The following ARNT2 variants were observed in gnomAD, a reference collection of about 807,000 sequenced individuals.
The protein encoded by ARNT2 is ARNT protein 2.
In ARNT2, 36 loss-of-function variants were observed where a neutral mutation model predicts 91.7. The observed-to-expected ratio is 0.39, with a 90% CI of 0.30 to 0.52. ARNT2 has a LOEUF of 0.52. Among genes scored for constraint, ARNT2 ranks in the 20% least tolerant of loss-of-function variants. The pLI, the probability that ARNT2 is intolerant of heterozygous loss-of-function variation, is 0.72. For missense variants in ARNT2, 775 were observed against 939.3 expected, an observed-to-expected ratio of 0.83 and a Z score of 2.29; for synonymous variants, 365 against 347.1, an observed-to-expected ratio of 1.05 and a Z score of -0.57.
At chr15:80,429,813 T>G (rs1261898102) in intron 1 of ARNT2, among the ~76,000 whole-genome samples, 1 of 152,006 alleles carries the variant, frequency 6.6e-6, no homozygotes, top group African/African-American at 2.4e-5. Context: ...TTGGTTAGTT[T>G]GAGAAAAAAG....
chr15:80,419,193 A>C (rs1329773752), intron 1 of ARNT2, among the ~76,000 whole-genome samples: 1 of 151,958 alleles, frequency 6.6e-6, no homozygotes, highest in Non-Finnish European at 1.5e-5. Context: ...GCCCCATCTC[A>C]GTTTTGGAGT....
chr15:80,478,928 G>A (rs1896846194), intron 5 of ARNT2, among the ~76,000 whole-genome samples: 1 of 152,214 alleles, frequency 6.6e-6, no homozygotes, highest in African/African-American at 2.4e-5. Context: ...TTTAGGCCTG[G>A]AAAGAGGTGA....
intron 5 of ARNT2, among the ~76,000 whole-genome samples, chr15:80,504,223 C>T (rs1310393683): frequency 6.6e-6 from 1 of 152,252 alleles, no homozygotes; most frequent in Non-Finnish European, 1.5e-5. Flanking sequence ...CAATCCCTTT[C>T]TCACTCTTCC....
intron 1 of ARNT2, among the ~76,000 whole-genome samples, chr15:80,439,689 A>G (rs962910404): frequency 2.0e-5 from 3 of 152,188 alleles, no homozygotes; most frequent in African/African-American, 7.2e-5. Flanking sequence ...TGGACAGTCA[A>G]CATGCATCTT....
At chr15:80,439,371 T>G (rs1896151204) in intron 1 of ARNT2, among the ~76,000 whole-genome samples, 1 of 152,210 alleles carries the variant, frequency 6.6e-6, no homozygotes, top group African/African-American at 2.4e-5. Flanking sequence ...TTGCAATAGG[T>G]ATTTGACTGT....
intron 8 of ARNT2, among the ~76,000 whole-genome samples, chr15:80,516,006 A>T (rs990259680): frequency 1.4e-4 from 21 of 151,544 alleles, no homozygotes; most frequent in African/African-American, 5.1e-4. Flanking sequence ...AGTAGCTGGG[A>T]TTACAGCCTC....
chr15:80,520,582 T>TA (rs1897526938), intron 8 of ARNT2, among the ~76,000 whole-genome samples: 1 of 151,684 alleles, frequency 6.6e-6, no homozygotes, highest in African/African-American at 2.4e-5. Context: ...TAAATAAAAA[T>TA]AAAAAAATAC....
chr15:80,502,366 G>A (rs1406374606), intron 5 of ARNT2, among the ~76,000 whole-genome samples: 2 of 152,206 alleles, frequency 1.3e-5, no homozygotes, highest in Admixed American at 6.5e-5. Context: ...GATGTTAGGT[G>A]GGCCTTCCAC....
At chr15:80,451,091 T>A in intron 2 of ARNT2, 97 bp downstream of exon 2, 1 of 1,182,412 alleles carries the variant, frequency 8.5e-7, no homozygotes, top group South Asian at 1.4e-5. Flanking sequence ...TCCTGTAGAA[T>A]AAAAGCTCAG....
chr15:80,540,533 C>T (rs946789290), intron 8 of ARNT2, among the ~76,000 whole-genome samples: 3 of 152,064 alleles, frequency 2.0e-5, no homozygotes, highest in African/African-American at 2.4e-5. Flanking sequence ...AGTAGGTACA[C>T]GTGCAGGTTT....
chr15:80,551,858 C>A (rs930899207), intron 9 of ARNT2, among the ~76,000 whole-genome samples: 2 of 152,186 alleles, frequency 1.3e-5, no homozygotes, highest in African/African-American at 4.8e-5. Context: ...ATTCTCATAG[C>A]ACTGAGCTCT....
At chr15:80,534,198 C>T (rs1217846598) in intron 8 of ARNT2, among the ~76,000 whole-genome samples, 1 of 152,146 alleles carries the variant, frequency 6.6e-6, no homozygotes, top group Non-Finnish European at 1.5e-5. Flanking sequence ...GTTCTAGAGT[C>T]GGAATGGTAC....
chr15:80,559,624 G>T (rs919367781), intron 11 of ARNT2, among the ~76,000 whole-genome samples: 2 of 152,152 alleles, frequency 1.3e-5, no homozygotes, highest in African/African-American at 2.4e-5. Context: ...TGAGTTTGAG[G>T]GGGTGAGAGG....
At chr15:80,462,777 T>A (rs955832407) in intron 3 of ARNT2, among the ~76,000 whole-genome samples, 1 of 152,220 alleles carries the variant, frequency 6.6e-6, no homozygotes, top group Non-Finnish European at 1.5e-5. Flanking sequence ...TTGTGCCTTA[T>A]ATTTTGTAGA....
chr15:80,451,706 TAACCAACCAATCAACCAACCAACC>T (rs1896394867), intron 2 of ARNT2, among the ~76,000 whole-genome samples: 1 of 144,582 alleles, frequency 6.9e-6, no homozygotes, highest in Admixed American at 6.8e-5. Context: ...ATCAACCAAC[TAACCAACCAATCAACCAACCAACC>T]AACCAACCAA....
At chr15:80,500,320 A>T (rs1358426196) in intron 5 of ARNT2, among the ~76,000 whole-genome samples, 4 of 152,304 alleles carry the variant, frequency 2.6e-5, no homozygotes, top group South Asian at 2.1e-4. Context: ...TTGGAACCAC[A>T]TCAAATATTG....
chr15:80,562,128 G>A (rs1898370477), intron 11 of ARNT2, among the ~76,000 whole-genome samples: 1 of 150,866 alleles, frequency 6.6e-6, no homozygotes, highest in South Asian at 2.1e-4. Context: ...AGGCTGGAGT[G>A]CAGTGACGCA....
At chr15:80,432,307 G>C (rs1896023200) in intron 1 of ARNT2, among the ~76,000 whole-genome samples, 1 of 152,196 alleles carries the variant, frequency 6.6e-6, no homozygotes, top group Non-Finnish European at 1.5e-5. Flanking sequence ...TCTGGGACCT[G>C]ATGCTTAGAT....
intron 5 of ARNT2, among the ~76,000 whole-genome samples, chr15:80,503,910 C>T (rs1033041766): frequency 1.3e-5 from 2 of 152,176 alleles, no homozygotes; most frequent in Non-Finnish European, 2.9e-5. Flanking sequence ...AGCCCTGGTC[C>T]ATGTGAGAAG....
Sources: allele counts gnomAD v4.1 joint callset (sites outside exome capture counted in the v4.1 genomes callset), GRCh38; gene constraint gnomAD v4.1.1; transcripts MANE v1.5; gene names NCBI Gene and HGNC (gene_info 2026-07-23, HGNC 2026-07-21).